Variants in TBX19 observed in about 807,000 individuals in gnomAD.
TBX19 encodes the protein T-box transcription factor TBX19.
In TBX19, 33 loss-of-function variants were observed where a neutral mutation model predicts 40.9. That is an observed-to-expected ratio of 0.81 (90% CI 0.61 to 1.08). TBX19 has a LOEUF of 1.08. Among genes scored for constraint, TBX19 ranks in the 50% least tolerant of loss-of-function variants. The pLI is 0.00. For synonymous variants in TBX19, 220 were observed against 225.0 expected (o/e 0.98, Z 0.20); for missense variants, 494 against 574.0 (o/e 0.86, Z 1.42).
chr1:168,313,178 T>G lies in TBX19; in HGVS notation c.*176T>G. ...AGGGTTCAGTTTGGATGATGCTAGTTAGATCATTTGCATCTCTCCACCATT... is the reference window on the plus strand; with the variant it reads ...AGGGTTCAGTTTGGATGATGCTAGTGAGATCATTTGCATCTCTCCACCATT... On this transcript the variant is annotated 3_prime_UTR_variant, in exon 8 of 8. Transcript: ENST00000367821. The G allele has an allele frequency of 1.4e-6, 1 of 715,318 alleles. No individual in the cohort carries two copies. Among genetic ancestry groups the G allele is most frequent in the East Asian group, 2.7e-5 (1 of 36,976 alleles). The allele number at this position is 715,318 out of a possible 1,614,324, so 44.3% of individuals were successfully genotyped here.
At chr1:168,282,160 T>C (rs1477527315) in intron 1 of TBX19, among the ~76,000 whole-genome samples, 2 of 152,218 alleles carry the variant, frequency 1.3e-5, no homozygotes, top group Non-Finnish European at 2.9e-5. Context: ...TACAAAATGC[T>C]GAAAGGCATT....
chr1:168,300,588 A>G, intron 5 of TBX19, 105 bp downstream of exon 5: 1 of 1,050,644 alleles, frequency 9.5e-7, no homozygotes, highest in Non-Finnish European at 1.5e-6. Context: ...AGGACTTCCA[A>G]ATCAAAACCC....
intron 1 of TBX19, among the ~76,000 whole-genome samples, chr1:168,284,602 CTG>C (rs769710394): frequency 1.3e-5 from 2 of 151,552 alleles, no homozygotes; most frequent in Non-Finnish European, 2.9e-5. Context: ...TGGAGAAACC[CTG>C]TCTCTCCAAA....
chr1:168,281,018 G>T lies in TBX19; in HGVS notation c.-73G>T. On this transcript the variant is annotated 5_prime_UTR_variant, in exon 1 of 8. Coordinates refer to ENST00000367821, the MANE Select transcript of TBX19 (RefSeq NM_005149.3). The stretch of plus-strand genomic sequence containing the variant: ...CTGTTCAAGTGGGTTTGAAAAGCAG[G>T]CAAGTGAGGGAAGGAAGAAGCTAGA... 6.9e-7 allele frequency: 1 copy of T among 1,442,442 alleles called. No homozygotes were observed. The highest frequency in any genetic ancestry group is 9.7e-7 in the Non-Finnish European group (1 of 1,031,772). 89.4% of individuals were successfully genotyped at this position (1,442,442 alleles called of 1,614,324 possible).
intron 1 of TBX19, among the ~76,000 whole-genome samples, chr1:168,285,654 A>G (rs1376280642): frequency 1.1e-4 from 17 of 152,190 alleles, no homozygotes; most frequent in Non-Finnish European, 1.5e-5. Context: ...CTTTCTCTCC[A>G]AGGAGGCTTT....
intron 1 of TBX19, among the ~76,000 whole-genome samples, chr1:168,286,806 T>A (rs935850620): frequency 6.6e-6 from 1 of 152,198 alleles, no homozygotes; most frequent in African/African-American, 2.4e-5. Context: ...ACTGCCAGAG[T>A]ATTTTCCAAA....
At chr1:168,294,268 T>C (rs962926193) in intron 3 of TBX19, among the ~76,000 whole-genome samples, 1 of 152,222 alleles carries the variant, frequency 6.6e-6, no homozygotes, top group Non-Finnish European at 1.5e-5. Flanking sequence ...GAATATTTCA[T>C]TGTATGAATA....
intron 1 of TBX19, among the ~76,000 whole-genome samples, chr1:168,287,802 T>C (rs1030128017): frequency 6.6e-6 from 1 of 151,840 alleles, no homozygotes; most frequent in Admixed American, 6.6e-5. Context: ...TCTAAGTAGG[T>C]ATTAAGATTT....
chr1:168,305,178 A>T lies in TBX19; in HGVS notation c.898A>T (p.Arg300Ter). 1.2e-6 allele frequency: 2 copies of T among 1,612,614 alleles called. No individual in the cohort carries two copies. Among genetic ancestry groups the T allele is most frequent in the South Asian group, 2.2e-5 (2 of 91,074 alleles). ...QAPYPSAYMHRNHSPSVNLIE... is the reference protein window; with the variant it reads ...QAPYPSAYMH ...TCCCTACCCTTCTGCGTACATGCAC[A>T]GAAACCATTCTCCCTCAGGTCTGTG... Residue 300 changes from arginine to a stop codon, truncating the protein, a stop_gained, in exon 6 of 8, where the codon AGA becomes TGA. Transcript: ENST00000367821. LOFTEE classifies it high-confidence loss of function.
In TBX19 at chr1:168,298,980, C is replaced by G. The variant is rs1445475365; in HGVS notation, c.665+1195C>G. ...CAGAGTCAGGCTGGAGTGGCACTATCTTGGCTCACTGCAACTTCTGCTTCC... is the reference window on the plus strand; with the variant it reads ...CAGAGTCAGGCTGGAGTGGCACTATGTTGGCTCACTGCAACTTCTGCTTCC... On this transcript the variant is annotated intron_variant, in intron 4 of 7. Coordinates refer to ENST00000367821, the MANE Select transcript of TBX19 (RefSeq NM_005149.3). 2.8e-5 allele frequency among the ~76,000 whole-genome samples: 4 copies of G among 144,018 alleles called. No individual in the cohort carries two copies. In the Admixed American group the frequency reaches 2.9e-4, roughly 10 times the overall value. 94.5% of individuals were successfully genotyped at this position (144,018 alleles called of 152,430 possible).
chr1:168,307,524 C>A (rs1558195083), intron 6 of TBX19, among the ~76,000 whole-genome samples: 1 of 152,162 alleles, frequency 6.6e-6, no homozygotes, highest in Non-Finnish European at 1.5e-5. Flanking sequence ...CACCTCTCAA[C>A]ACTCTTGCAT....
At chr1:168,295,327 A>G (rs1362798985) in intron 3 of TBX19, among the ~76,000 whole-genome samples, 1 of 152,050 alleles carries the variant, frequency 6.6e-6, no homozygotes, top group African/African-American at 2.4e-5. Flanking sequence ...GCTTCCATCT[A>G]TATTTATTTG....
At chr1:168,290,418 C>T (rs1431150712) in intron 1 of TBX19, among the ~76,000 whole-genome samples, 3 of 152,202 alleles carry the variant, frequency 2.0e-5, no homozygotes, top group Admixed American at 6.5e-5. Context: ...AGGGTGTGCA[C>T]GTCCCCACGC....
chr1:168,299,227 C>G (rs1334092878), intron 4 of TBX19, among the ~76,000 whole-genome samples: 1 of 151,974 alleles, frequency 6.6e-6, no homozygotes, highest in African/African-American at 2.4e-5. Flanking sequence ...GACTCTATGT[C>G]TTTTGCATCC....
rs144937004 is a variant in TBX19 at position 168,301,761 on chromosome 1, T to C, written c.727+1278T>C. ...AAAATAAGAGGTGATTCATAAACTG[T>C]CTACTGTAACATGAGCTGCTGATTG... On this transcript the variant is annotated intron_variant, in intron 5 of 7. Coordinates refer to ENST00000367821, the MANE Select transcript of TBX19 (RefSeq NM_005149.3). Among the ~76,000 whole-genome samples the C allele has an allele frequency of 1.7e-3, 263 of 152,342 alleles. 1 individual carries two copies. Among genetic ancestry groups the C allele is most frequent in the African/African-American group, 5.9e-3 (245 of 41,578 alleles).
intron 4 of TBX19, among the ~76,000 whole-genome samples, chr1:168,299,802 A>G (rs1386444576): frequency 1.3e-5 from 2 of 152,218 alleles, no homozygotes; most frequent in Non-Finnish European, 2.9e-5. Context: ...ATGATGATAT[A>G]CAAGACACAC....
In TBX19 at chr1:168,305,098, C is replaced by T. The variant is rs1230871484; in HGVS notation, c.818C>T (p.Pro273Leu). ...QYAAPLPLPAPHTHHGCEHYS... is the reference protein window; with the variant it reads ...QYAAPLPLPALHTHHGCEHYS... Reference sequence around the variant, plus strand: ...GCCGCTCCTCTGCCTCTGCCTGCTCCCCACACCCACCATGGCTGTGAGCAC... The same window carrying T: ...GCCGCTCCTCTGCCTCTGCCTGCTCTCCACACCCACCATGGCTGTGAGCAC... The change falls in exon 6 of 8, where the codon CCC (proline) becomes CTC (leucine). Residue 273 changes from proline (P) to leucine (L), a missense_variant. Around this residue, in one of 3 missense-constraint regions of TBX19, gnomAD observed 284 missense variants for 307.3 expected, o/e 0.92. Coordinates refer to ENST00000367821, the MANE Select transcript of TBX19 (RefSeq NM_005149.3). 1.2e-6 allele frequency: 2 copies of T among 1,614,154 alleles called. No individual in the cohort carries two copies. Among genetic ancestry groups the T allele is most frequent in the East Asian group, 2.2e-5 (1 of 44,886 alleles).
At chr1:168,295,568 A>G (rs1459157694) in intron 3 of TBX19, among the ~76,000 whole-genome samples, 1 of 152,256 alleles carries the variant, frequency 6.6e-6, no homozygotes, top group Non-Finnish European at 1.5e-5. Flanking sequence ...CTCTTGGCAG[A>G]GCCCCTGCAG....
intron 6 of TBX19, among the ~76,000 whole-genome samples, chr1:168,305,991 T>G (rs1003957359): frequency 6.6e-6 from 1 of 152,190 alleles, no homozygotes; most frequent in Non-Finnish European, 1.5e-5. Context: ...TATACTAATA[T>G]GAAAAGATTG....
Sources: allele counts gnomAD v4.1 joint callset (sites outside exome capture counted in the v4.1 genomes callset), GRCh38; gene constraint gnomAD v4.1.1; regional missense constraint gnomAD v4.1.1; transcripts MANE v1.5; gene names NCBI Gene and HGNC (gene_info 2026-07-23, HGNC 2026-07-21).